R3HDM2: variants seen among roughly 807,000 people sequenced by gnomAD.
R3HDM2 encodes the protein R3H domain-containing protein 2.
Under a neutral mutation model 124.5 loss-of-function variants are expected in R3HDM2, and 38 were observed. That is an observed-to-expected ratio of 0.31 (90% CI 0.24 to 0.40). The LOEUF (loss-of-function observed/expected upper bound fraction) is 0.40. Ranked by LOEUF, R3HDM2 falls within the 10% of genes least tolerant of loss-of-function variation. The pLI is 1.00. For missense variants in R3HDM2, 869 were observed against 1,236.9 expected (o/e 0.70, Z 4.46); for synonymous variants, 391 against 448.0 (o/e 0.87, Z 1.61).
intron 1 of R3HDM2, among the ~76,000 whole-genome samples, chr12:57,400,701 C>G (rs1430312782): frequency 6.6e-6 from 1 of 152,098 alleles, no homozygotes; most frequent in Admixed American, 6.6e-5. Context: ...CAACTAGCAA[C>G]AACAAAATAC....
intron 1 of R3HDM2, among the ~76,000 whole-genome samples, chr12:57,411,257 G>A (rs923121310): frequency 6.6e-6 from 1 of 152,180 alleles, no homozygotes; most frequent in Non-Finnish European, 1.5e-5. Flanking sequence ...GCTAGATGGA[G>A]TGCAGTGGTG....
chr12:57,320,609 G>A (rs576504129), intron 2 of R3HDM2, among the ~76,000 whole-genome samples: 2 of 152,196 alleles, frequency 1.3e-5, no homozygotes, highest in African/African-American at 2.4e-5. Flanking sequence ...GTGAGATGTC[G>A]GGGGAACAGG....
At chr12:57,326,763 C>A (rs2057360903) in intron 2 of R3HDM2, among the ~76,000 whole-genome samples, 1 of 152,208 alleles carries the variant, frequency 6.6e-6, no homozygotes. Flanking sequence ...GGCTCCAGTG[C>A]TTCAAAGGAC....
At chr12:57,352,807 T>C (rs2060825038) in intron 2 of R3HDM2, among the ~76,000 whole-genome samples, 1 of 152,130 alleles carries the variant, frequency 6.6e-6, no homozygotes, top group Non-Finnish European at 1.5e-5. Flanking sequence ...AAGCTTCTTA[T>C]ATAGTAATTA....
intron 2 of R3HDM2, among the ~76,000 whole-genome samples, chr12:57,394,340 G>T (rs972939815): frequency 6.6e-6 from 1 of 151,836 alleles, no homozygotes; most frequent in African/African-American, 2.4e-5. Context: ...GCACGGTGGT[G>T]GCTCATGCCT....
chr12:57,331,128 G>T (rs567627325), intron 2 of R3HDM2, among the ~76,000 whole-genome samples: 33 of 152,028 alleles, frequency 2.2e-4, no homozygotes, highest in African/African-American at 7.7e-4. Context: ...CTCTCTTGGC[G>T]GAATGACTGC....
intron 1 of R3HDM2, among the ~76,000 whole-genome samples, chr12:57,397,965 C>T (rs1199276844): frequency 2.0e-5 from 3 of 152,160 alleles, no homozygotes; most frequent in Non-Finnish European, 2.9e-5. Context: ...GGGCGAATCA[C>T]GAGCTCAGGA....
At chr12:57,409,892 A>G in intron 1 of R3HDM2, among the ~76,000 whole-genome samples, 1 of 152,188 alleles carries the variant, frequency 6.6e-6, no homozygotes, top group Admixed American at 6.6e-5. Context: ...TGATGTAGGA[A>G]GAGCCAGAAG....
intron 2 of R3HDM2, among the ~76,000 whole-genome samples, chr12:57,344,538 C>T (rs1190822928): frequency 6.6e-6 from 1 of 152,168 alleles, no homozygotes; most frequent in African/African-American, 2.4e-5. Context: ...TTGAAATTAA[C>T]AACCTCACAT....
At chr12:57,268,551 C>G in intron 17 of R3HDM2, 94 bp from the exon 18 acceptor site, 1 of 1,285,692 alleles carries the variant, frequency 7.8e-7, no homozygotes, top group Non-Finnish European at 1.1e-6. Flanking sequence ...GGCATTACAA[C>G]TTCCTTCCCT....
intron 23 of R3HDM2, 81 bp downstream of exon 23, chr12:57,255,909 T>C: frequency 7.7e-7 from 1 of 1,299,452 alleles, no homozygotes; most frequent in Non-Finnish European, 1.1e-6. Context: ...TAAGCTGGCT[T>C]TTCCCACCCA....
chr12:57,294,569 T>G (rs1275950218), intron 10 of R3HDM2, among the ~76,000 whole-genome samples: 7 of 152,108 alleles, frequency 4.6e-5, no homozygotes. Context: ...ATTTTGACAC[T>G]AGAGGTAAGA....
At chr12:57,300,965 A>G (rs1462936985) in intron 4 of R3HDM2, among the ~76,000 whole-genome samples, 1 of 151,936 alleles carries the variant, frequency 6.6e-6, no homozygotes, top group Non-Finnish European at 1.5e-5. Flanking sequence ...TTAGCTGGCC[A>G]TGGTAGCACA....
chr12:57,413,694 C>G (rs1007143538), intron 1 of R3HDM2, among the ~76,000 whole-genome samples: 2 of 151,720 alleles, frequency 1.3e-5, no homozygotes, highest in African/African-American at 4.8e-5. Flanking sequence ...CGAGATCGCA[C>G]CACTGTACTC....
At chr12:57,367,541 TCTC>T (rs1446248535) in intron 2 of R3HDM2, among the ~76,000 whole-genome samples, 4 of 152,132 alleles carry the variant, frequency 2.6e-5, no homozygotes, top group African/African-American at 9.7e-5. Context: ...CCTACCTCTG[TCTC>T]CTCAATTCAA....
chr12:57,289,971 T>A (rs1265456701), intron 11 of R3HDM2, among the ~76,000 whole-genome samples: 1 of 152,228 alleles, frequency 6.6e-6, no homozygotes, highest in African/African-American at 2.4e-5. Flanking sequence ...CTAGACTTTC[T>A]GAGATTCCTG....
intron 5 of R3HDM2, among the ~76,000 whole-genome samples, chr12:57,299,824 A>G (rs1352137503): frequency 6.6e-6 from 1 of 152,178 alleles, no homozygotes; most frequent in Non-Finnish European, 1.5e-5. Context: ...TGGTCAAGAT[A>G]TGAAGACCTA....
chr12:57,256,031 G>C lies in R3HDM2; in HGVS notation c.2591C>G (p.Ala864Gly). The C allele has an allele frequency of 6.2e-7, 1 of 1,614,108 alleles. No individual in the cohort carries two copies. The highest frequency in any genetic ancestry group is 8.5e-7 in the Non-Finnish European group (1 of 1,180,004). ...CAGGTCAGTGGAGGCAGATTTGAGT[G>C]CTTGTCTCTTGCCCCGGTTTCCATG... Reference protein sequence around the residue: ...LKHGNRGKRQALKSASTDLGT... With the variant: ...LKHGNRGKRQGLKSASTDLGT... Residue 864 changes from alanine to glycine, a missense_variant, in exon 23 of 24, where the codon GCA (alanine) becomes GGA (glycine). By Grantham distance (60) the Ala-to-Gly change is moderately conservative. Coordinates refer to ENST00000402412, the MANE Select transcript of R3HDM2 (RefSeq NM_001394031.1).
chr12:57,379,838 T>C lies in R3HDM2; in HGVS notation c.-36+15911A>G, dbSNP rs114746114. On this transcript the variant is annotated intron_variant, in intron 2 of 23. Coordinates refer to ENST00000402412, the MANE Select transcript of R3HDM2 (RefSeq NM_001394031.1). ...GCCTGACCAGAAAATAAATTATATA[T>C]ATATGGCTACTTCACTTAGTGCTTC... is the stretch of plus-strand genomic sequence containing the variant. 4.3e-3 allele frequency among the ~76,000 whole-genome samples: 660 copies of C among 152,140 alleles called. 5 individuals are homozygous for C. Among genetic ancestry groups the C allele is most frequent in the African/African-American group, 0.015 (624 of 41,514 alleles).
Sources: gnomAD v4.1 joint callset for allele counts (sites outside exome capture counted in the v4.1 genomes callset) on GRCh38, gnomAD v4.1.1 for gene constraint, MANE v1.5 for transcripts, NCBI Gene and HGNC (gene_info 2026-07-23, HGNC 2026-07-21) for gene names.